Variants in FBRSL1 observed in about 807,000 individuals in gnomAD.
The protein encoded by FBRSL1 is fibrosin-1-like protein.
Under a neutral mutation model 89.6 loss-of-function variants are expected in FBRSL1, and 51 were observed. The ratio of observed to expected loss-of-function variants is 0.57; its 90% CI spans 0.45 to 0.72. FBRSL1 has a LOEUF of 0.72. FBRSL1 is among the 30% of genes least tolerant of loss of function. The probability of loss-of-function intolerance (pLI) is 0.00; values close to 1 mark genes in which losing one functional copy is unlikely to be tolerated. For missense variants in FBRSL1, 1,618 were observed against 1,451.8 expected, an observed-to-expected ratio of 1.11 and a Z score of -1.86; for synonymous variants, 779 against 681.1, an observed-to-expected ratio of 1.14 and a Z score of -2.24.
chr12:132,505,449 T>C (rs1380752489), intron 1 of FBRSL1, among the ~76,000 whole-genome samples: 46 of 152,258 alleles, frequency 3.0e-4, no homozygotes, highest in Non-Finnish European at 2.9e-5. Context: ...CCGTCTGGCC[T>C]GGACTCCTGT....
intron 3 of FBRSL1, 114 bp from the exon 4 acceptor site, chr12:132,527,839 C>A: frequency 2.0e-6 from 2 of 977,214 alleles, no homozygotes; most frequent in Non-Finnish European, 3.2e-6. Flanking sequence ...CTGTGAGCTG[C>A]AGGGCTGCGG....
chr12:132,581,790 C>A lies in FBRSL1; in HGVS notation c.1962C>A (p.Ser654Arg), dbSNP rs868825409. 1 of 1,549,116 alleles carries A rather than the reference C, an allele frequency of 6.5e-7. No individual in the cohort carries two copies. The highest frequency in any genetic ancestry group is 1.2e-5 in the South Asian group (1 of 83,982). ...STFGGLGSLS[S>R]HAFGGLGSHA... Reference sequence around the variant, plus strand: ...TTGGGGGCCTGGGCAGCCTGAGCAGCCACGCCTTTGGGGGCCTGGGCAGCC... The same window carrying A: ...TTGGGGGCCTGGGCAGCCTGAGCAGACACGCCTTTGGGGGCCTGGGCAGCC... The change falls in exon 17 of 19, where the codon AGC becomes AGA. Residue 654 changes from serine to arginine, a missense_variant. By Grantham distance (110) the Ser-to-Arg change is moderately radical. Coordinates refer to ENST00000680143, the MANE Select transcript of FBRSL1 (RefSeq NM_001367871.1).
At position 132,582,002 on chromosome 12, in the gene FBRSL1, C is replaced by T. The variant is rs1353856206; in HGVS notation, c.1997-60C>T. 4.9e-6 allele frequency: 7 copies of T among 1,431,392 alleles called. No homozygotes were observed. The South Asian group carries it at 9.0e-5, about 18-fold the overall frequency. The allele number at this position is 1,431,392 out of a possible 1,614,324, so 88.7% of individuals were successfully genotyped here. Reference sequence around the variant, plus strand: ...CTTCTAAAACCCCTACCGGGTTCTCCTGGGGAGTGGCTGGGGAGCAGACAG... The same window carrying T: ...CTTCTAAAACCCCTACCGGGTTCTCTTGGGGAGTGGCTGGGGAGCAGACAG... On this transcript the variant is annotated intron_variant, in intron 17 of 18. Coordinates refer to ENST00000680143, the MANE Select transcript of FBRSL1 (RefSeq NM_001367871.1).
At chr12:132,534,722 G>T (rs759374550) in intron 4 of FBRSL1, among the ~76,000 whole-genome samples, 1 of 152,232 alleles carries the variant, frequency 6.6e-6, no homozygotes. Context: ...CTTTGCTGAC[G>T]TGCCTGGCTT....
intron 2 of FBRSL1, chr12:132,509,352 A>T (rs2034057744): frequency 2.4e-6 from 3 of 1,245,470 alleles, no homozygotes; most frequent in African/African-American, 1.6e-5. Flanking sequence ...GGGTCAGCGC[A>T]GCTGGCCCCA....
intron 15 of FBRSL1, among the ~76,000 whole-genome samples, chr12:132,577,947 G>A (rs1055720840): frequency 5.3e-5 from 8 of 152,214 alleles, no homozygotes; most frequent in African/African-American, 1.4e-4. Flanking sequence ...ACGCGTGTAC[G>A]CACACGTGAA....
rs2040416025 is a variant in FBRSL1 at position 132,576,899 on chromosome 12, A to G, written c.1802A>G (p.Gln601Arg). 1 of 1,550,162 alleles carries G rather than the reference A, an allele frequency of 6.5e-7. No individual in the cohort carries two copies. The highest frequency in any genetic ancestry group is 8.7e-7 in the Non-Finnish European group (1 of 1,146,602). ...GTGTTTGCAGGCTTCCACTACCCACAGGACCTGGCCCGGCCCCTCTTCCCC... is the reference window on the plus strand; with the variant it reads ...GTGTTTGCAGGCTTCCACTACCCACGGGACCTGGCCCGGCCCCTCTTCCCC... Reference protein sequence around the residue: ...PGVFAGFHYPQDLARPLFPST... With the variant: ...PGVFAGFHYPRDLARPLFPST... Residue 601 changes from glutamine to arginine, a missense_variant, in exon 15 of 19, where the codon CAG becomes CGG. Transcript: ENST00000680143.
At chr12:132,508,979 G>A (rs537791739) in intron 2 of FBRSL1, among the ~76,000 whole-genome samples, 2 of 152,314 alleles carry the variant, frequency 1.3e-5, no homozygotes, top group East Asian at 3.9e-4. Context: ...TGCTTCCTCC[G>A]CGGGGGTCCG....
chr12:132,551,390 G>C (rs908644180), intron 5 of FBRSL1: 2 of 455,930 alleles, frequency 4.4e-6, no homozygotes, highest in Non-Finnish European at 8.8e-6. Context: ...GGGGTCTGTG[G>C]GCGCTGACCC....
In FBRSL1 at chr12:132,566,575, G is replaced by A. The variant is rs1477165798; in HGVS notation, c.646-906G>A. On this transcript the variant is annotated intron_variant, in intron 5 of 18. Coordinates refer to ENST00000680143, the MANE Select transcript of FBRSL1 (RefSeq NM_001367871.1). ...TTCTCGCCACCTGCTTGTGGCAGGTGGTTGAGCGAGTTTCTCTGGAAGAGA... is the reference window on the plus strand; with the variant it reads ...TTCTCGCCACCTGCTTGTGGCAGGTAGTTGAGCGAGTTTCTCTGGAAGAGA... The A allele has an allele frequency of 9.4e-5, 3 of 32,024 alleles. No individual in the cohort carries two copies. The East Asian group carries it at 0.01, about 110-fold the overall frequency. 2.0% of individuals were successfully genotyped at this position (32,024 alleles called of 1,614,324 possible). A position where few individuals can be genotyped will look rare whatever the true frequency, so the allele number is the denominator to read the frequency against.
rs141364241 is a variant in FBRSL1, at chr12:132,563,672, T to C, written c.646-3809T>C. Among the ~76,000 whole-genome samples the C allele has an allele frequency of 2.7e-3, 409 of 152,242 alleles. 5 individuals carry two copies. The highest frequency in any genetic ancestry group is 9.2e-3 in the African/African-American group (383 of 41,520). ...TTGCAGTAAATGCAGCTATTTTAAG[T>C]GTGTGGTTTGCTTTTTGACACATAC... On this transcript the variant is annotated intron_variant, in intron 5 of 18. Transcript: ENST00000680143.
intron 2 of FBRSL1, among the ~76,000 whole-genome samples, chr12:132,513,778 G>A (rs1021578629): frequency 6.6e-6 from 1 of 152,184 alleles, no homozygotes; most frequent in South Asian, 2.1e-4. Context: ...AGACTGTGGC[G>A]GTGGGGCCAA....
chr12:132,531,550 C>CGT (rs35736267), intron 4 of FBRSL1, among the ~76,000 whole-genome samples: 51,829 of 150,456 alleles, frequency 0.34, 9,530 homozygotes, highest in Non-Finnish European at 0.43. Context: ...TCTGTGTGTG[C>CGT]GTGTGTGTGT....
intron 15 of FBRSL1, chr12:132,580,667 A>G (rs778944936): frequency 5.5e-6 from 3 of 543,550 alleles, no homozygotes; most frequent in Non-Finnish European, 7.0e-6. Flanking sequence ...AGTGGAGACC[A>G]GAAGCTCTGA....
At chr12:132,536,274 GGTGT>G (rs1371143005) in intron 4 of FBRSL1, among the ~76,000 whole-genome samples, 2 of 150,984 alleles carry the variant, frequency 1.3e-5, no homozygotes, top group Admixed American at 1.3e-4. Flanking sequence ...TGTACATGAT[GGTGT>G]GTGAGTGCAT....
In FBRSL1 at chr12:132,564,649, CCA is replaced by C. The variant is rs2039443878; in HGVS notation, c.646-2830_646-2829del. 9.0e-5 allele frequency among the ~76,000 whole-genome samples: 11 copies of C among 121,976 alleles called. 3 individuals are homozygous for C. The highest frequency in any genetic ancestry group is 4.5e-4 in the East Asian group (1 of 2,238). The allele number at this position is 121,976 out of a possible 152,430, so 80.0% of individuals were successfully genotyped here. ...TAGCTGGGACTACAGGCGCCCGCCA[CCA>C]CGCCCGGCTAATTTTTTGTATTTTT... On this transcript the variant is annotated intron_variant, in intron 5 of 18. Coordinates refer to ENST00000680143, the MANE Select transcript of FBRSL1 (RefSeq NM_001367871.1).
rs369659982 is a variant in FBRSL1 at position 132,545,999 on chromosome 12, C to T, written c.616-2004C>T. The stretch of plus-strand genomic sequence containing the variant: ...CCAGGGCGCACTCCCTCTCGGCCCT[C>T]CCCAGGCTCCCCATGTGCAGAGGGC... On this transcript the variant is annotated intron_variant, in intron 4 of 18. Transcript: ENST00000680143. 3.3e-5 allele frequency among the ~76,000 whole-genome samples: 5 copies of T among 152,202 alleles called. No individual in the cohort carries two copies. The South Asian group carries it at 8.3e-4, about 25-fold the overall frequency.
Position 132,583,103 on chromosome 12 carries a change from C to G in FBRSL1, c.2334C>G (p.Ala778=). The change falls in exon 19 of 19, where the codon GCC becomes GCG. Residue 778 remains alanine, a synonymous_variant. Coordinates refer to ENST00000680143, the MANE Select transcript of FBRSL1 (RefSeq NM_001367871.1). ...CCGGGGCCCCCGCGGAGCGCGAGGC[C>G]GAACCTCGGGTCAAGGAGAGCCGCT... ...GRSGAPAERE[A]EPRVKESRSP... 2.1e-6 allele frequency: 3 copies of G among 1,455,060 alleles called. No homozygotes were observed. The highest frequency in any genetic ancestry group is 2.7e-6 in the Non-Finnish European group (3 of 1,107,170). The allele number at this position is 1,455,060 out of a possible 1,614,324, so 90.1% of individuals were successfully genotyped here. A position where few individuals can be genotyped will look rare whatever the true frequency, so the allele number is the denominator to read the frequency against.
Position 132,574,149 on chromosome 12 carries a change from A to G in FBRSL1, c.1590A>G (p.Lys530=), listed in dbSNP as rs2137976304. 2 of 1,413,630 alleles carry G rather than the reference A, an allele frequency of 1.4e-6. No homozygotes were observed. The highest frequency in any genetic ancestry group is 1.8e-6 in the Non-Finnish European group (2 of 1,088,770). The allele number at this position is 1,413,630 out of a possible 1,614,324, so 87.6% of individuals were successfully genotyped here. The change falls in exon 12 of 19, where the codon AAA becomes AAG. Residue 530 remains lysine, a synonymous_variant. Transcript: ENST00000680143. ...GTGCGGTTCACACACTCCTGCAGAA[A>G]GCGCCTGGGGTAGGTGTTAGTGGGC... ...RAGAVHTLLQ[K]APGVSDPYRA...
Sources: gnomAD v4.1 joint callset for allele counts (sites outside exome capture counted in the v4.1 genomes callset) on GRCh38, gnomAD v4.1.1 for gene constraint, MANE v1.5 for transcripts, NCBI Gene and HGNC (gene_info 2026-07-23, HGNC 2026-07-21) for gene names.